The following PLEKHA8 variants were observed in gnomAD, a reference collection of about 807,000 sequenced individuals.
PLEKHA8 encodes the protein pleckstrin homology domain containing A8.
Under a neutral mutation model 68.2 loss-of-function variants are expected in PLEKHA8, and 36 were observed. That is an observed-to-expected ratio of 0.53 (90% CI 0.40 to 0.70). The LOEUF is 0.70. PLEKHA8 is among the 30% of genes least tolerant of loss of function. The probability of loss-of-function intolerance (pLI) is 0.00; values close to 1 mark genes in which losing one functional copy is unlikely to be tolerated. For synonymous variants in PLEKHA8, 211 were observed against 216.1 expected (o/e 0.98, Z 0.20); for missense variants, 505 against 615.4 (o/e 0.82, Z 1.90).
intron 1 of PLEKHA8, 152 bp downstream of exon 1, chr7:30,028,954 A>G (rs1790433660): frequency 2.1e-6 from 2 of 933,228 alleles, no homozygotes; most frequent in Non-Finnish European, 1.4e-6. Context: ...CAGTTCTCTC[A>G]CGGGACCGTG....
chr7:30,077,184 A>G (rs922473772), intron 13 of PLEKHA8, among the ~76,000 whole-genome samples: 2 of 152,044 alleles, frequency 1.3e-5, no homozygotes, highest in Admixed American at 6.6e-5. Context: ...TACTGTTACT[A>G]TTGTGAAATC....
chr7:30,109,280 C>G (rs1444837913), intron 13 of PLEKHA8, among the ~76,000 whole-genome samples: 1 of 152,104 alleles, frequency 6.6e-6, no homozygotes, highest in African/African-American at 2.4e-5. Context: ...TTTCATATGA[C>G]TATGTGCATT....
At chr7:30,071,024 T>C (rs1029540899) in intron 12 of PLEKHA8, among the ~76,000 whole-genome samples, 1 of 152,222 alleles carries the variant, frequency 6.6e-6, no homozygotes, top group Non-Finnish European at 1.5e-5. Context: ...AAGAAGGTAA[T>C]GTTCTCTGTA....
At chr7:30,120,427 T>C (rs1258783607) in intron 13 of PLEKHA8, among the ~76,000 whole-genome samples, 2 of 152,210 alleles carry the variant, frequency 1.3e-5, no homozygotes, top group African/African-American at 4.8e-5. Context: ...ATTTAAACAG[T>C]TGGCTGCCTG....
At chr7:30,054,628 T>G in intron 7 of PLEKHA8, 81 bp from the exon 8 acceptor site, 1 of 963,852 alleles carries the variant, frequency 1.0e-6, no homozygotes, top group Non-Finnish European at 1.4e-6. Context: ...TTTTTCTGTG[T>G]TTTAGAAATT....
intron 13 of PLEKHA8, among the ~76,000 whole-genome samples, chr7:30,125,107 G>A (rs980472929): frequency 1.3e-5 from 2 of 152,030 alleles, no homozygotes; most frequent in African/African-American, 2.4e-5. Flanking sequence ...GGATTTTCCA[G>A]TGTATCCTTT....
intron 1 of PLEKHA8, 47 bp downstream of exon 1, chr7:30,028,849 G>T: frequency 1.6e-6 from 2 of 1,249,134 alleles, no homozygotes; most frequent in Non-Finnish European, 2.0e-6. Flanking sequence ...CCGGTCCTTT[G>T]TCTGCGCGGC....
At chr7:30,108,026 G>A (rs1036104307) in intron 13 of PLEKHA8, among the ~76,000 whole-genome samples, 4 of 132,642 alleles carry the variant, frequency 3.0e-5, no homozygotes, top group African/African-American at 5.9e-5. Context: ...CAGAGATCGC[G>A]CTATTGCACT....
chr7:30,111,040 G>A (rs1796257997), intron 13 of PLEKHA8, among the ~76,000 whole-genome samples: 1 of 151,956 alleles, frequency 6.6e-6, no homozygotes, highest in South Asian at 2.1e-4. Context: ...GAGTAGCTGG[G>A]ACTACAGGCA....
At chr7:30,051,190 G>A (rs989006624) in intron 6 of PLEKHA8, among the ~76,000 whole-genome samples, 9 of 152,142 alleles carry the variant, frequency 5.9e-5, no homozygotes, top group African/African-American at 1.4e-4. Flanking sequence ...TTGAGCCACT[G>A]TGCCCGGCCT....
At chr7:30,036,133 G>C (rs183233464) in intron 1 of PLEKHA8, among the ~76,000 whole-genome samples, 1 of 151,988 alleles carries the variant, frequency 6.6e-6, no homozygotes, top group Non-Finnish European at 1.5e-5. Context: ...GCACACGACT[G>C]TAATCCCAGC....
chr7:30,128,305 C>T (rs1583495702), intron 13 of PLEKHA8, among the ~76,000 whole-genome samples: 1 of 152,068 alleles, frequency 6.6e-6, no homozygotes, highest in Non-Finnish European at 1.5e-5. Context: ...CAAGGTCTCA[C>T]TATGTTGCCC....
rs1794848912 is a variant in PLEKHA8, at chr7:30,080,120, T to A, written c.*1333T>A. 1 of 985,254 alleles carries A rather than the reference T, an allele frequency of 1.0e-6. No homozygotes were observed. Among genetic ancestry groups the A allele is most frequent in the Non-Finnish European group, 1.2e-6 (1 of 829,906 alleles). 61.0% of individuals were successfully genotyped at this position (985,254 alleles called of 1,614,324 possible). A position where few individuals can be genotyped will look rare whatever the true frequency, so the allele number is the denominator to read the frequency against. ...GTGCAGAGCAGGCAAAATGCAGCTG[T>A]TTATCAATCTCAAAAGCTTTGGGAC... On this transcript the variant is annotated 3_prime_UTR_variant, in exon 14 of 14. Coordinates refer to ENST00000449726, the MANE Select transcript of PLEKHA8 (RefSeq NM_001197026.2).
intron 10 of PLEKHA8, 78 bp downstream of exon 10, chr7:30,061,020 T>A: frequency 1.4e-6 from 2 of 1,404,864 alleles, no homozygotes; most frequent in Admixed American, 1.9e-5. Context: ...TTGGCCAGAA[T>A]AAATCAAAAA....
chr7:30,056,312 C>CTATA (rs1554385029), intron 9 of PLEKHA8, among the ~76,000 whole-genome samples: 1,999 of 94,478 alleles, frequency 0.021, 61 homozygotes, highest in Non-Finnish European at 0.025. Flanking sequence ...CTCTCTCTCT[C>CTATA]TATATATATA....
downstream of PLEKHA8, chr7:30,090,860 A>G (rs1297550587): frequency 2.7e-5 from 5 of 188,102 alleles, no homozygotes; most frequent in Admixed American, 3.3e-4. Flanking sequence ...ATATGATTTT[A>G]CGTTTATAAA....
rs1442105186 is a variant in PLEKHA8, at chr7:30,028,457, T to C, written c.-306T>C. On this transcript the variant is annotated 5_prime_UTR_variant, in exon 1 of 14. Transcript: ENST00000449726. ...GCGACCGGCAGCTCGTTCGCCGCAC[T>C]TTGGAGGCTTCGGCTGCCCCTCCGA... The C allele has an allele frequency of 3.3e-6, 1 of 304,292 alleles. No individual in the cohort carries two copies. Among genetic ancestry groups the C allele is most frequent in the Non-Finnish European group, 6.0e-6 (1 of 165,518 alleles). 18.8% of individuals were successfully genotyped at this position (304,292 alleles called of 1,614,324 possible). A position where few individuals can be genotyped will look rare whatever the true frequency, so the allele number is the denominator to read the frequency against.
At chr7:30,124,009 C>T (rs1796734672) in intron 13 of PLEKHA8, among the ~76,000 whole-genome samples, 1 of 152,092 alleles carries the variant, frequency 6.6e-6, no homozygotes, top group African/African-American at 2.4e-5. Flanking sequence ...ATCTTTGGGT[C>T]GTTGTAAACA....
At chr7:30,073,395 G>A (rs748932875) in intron 12 of PLEKHA8, among the ~76,000 whole-genome samples, 3 of 151,752 alleles carry the variant, frequency 2.0e-5, no homozygotes, top group Non-Finnish European at 4.4e-5. Context: ...ACTGGCTCAC[G>A]GTCACAGAAC....
Sources: allele counts gnomAD v4.1 joint callset (sites outside exome capture counted in the v4.1 genomes callset), GRCh38; gene constraint gnomAD v4.1.1; transcripts MANE v1.5; gene names NCBI Gene and HGNC (gene_info 2026-07-23, HGNC 2026-07-21).